Variants in MIR2052HG observed in about 807,000 individuals in gnomAD.
MIR2052HG encodes MIR2052 host gene.
chr8:74,649,602 T>C (rs1346577069), intron 2 of MIR2052HG, among the ~76,000 whole-genome samples: 4 of 152,180 alleles, frequency 2.6e-5, no homozygotes, highest in African/African-American at 9.6e-5. Flanking sequence ...ACTTTAATTT[T>C]ATGCATTTGG....
At chr8:74,736,561 G>A (rs1248649010) in intron 4 of MIR2052HG, among the ~76,000 whole-genome samples, 1 of 152,160 alleles carries the variant, frequency 6.6e-6, no homozygotes, top group Non-Finnish European at 1.5e-5. Flanking sequence ...AGGGAAGGCC[G>A]TGGGAATTGT....
At chr8:74,692,202 T>C (rs1371672722) in intron 2 of MIR2052HG, among the ~76,000 whole-genome samples, 18 of 152,200 alleles carry the variant, frequency 1.2e-4, no homozygotes, top group Non-Finnish European at 2.1e-4. Context: ...ATGATTCTCA[T>C]GCCTCAGCTC....
chr8:74,600,601 A>G (rs950910242), intron 1 of MIR2052HG, among the ~76,000 whole-genome samples: 5 of 149,410 alleles, frequency 3.3e-5, no homozygotes, highest in Non-Finnish European at 5.9e-5. Flanking sequence ...AAAAAAAAAG[A>G]GACGGAGCTC....
intron 2 of MIR2052HG, among the ~76,000 whole-genome samples, chr8:74,660,459 T>C (rs1365838837): frequency 6.6e-6 from 1 of 152,168 alleles, no homozygotes; most frequent in Non-Finnish European, 1.5e-5. Context: ...TGTAAACAGG[T>C]GGAAATTCGG....
At chr8:74,756,013 C>G (rs1428968343) in intron 5 of MIR2052HG, among the ~76,000 whole-genome samples, 2 of 152,148 alleles carry the variant, frequency 1.3e-5, no homozygotes, top group African/African-American at 4.8e-5. Flanking sequence ...CAGACACCAG[C>G]AGCACTGAGG....
chr8:74,650,039 C>T (rs556181520), intron 2 of MIR2052HG, among the ~76,000 whole-genome samples: 103 of 152,062 alleles, frequency 6.8e-4, no homozygotes, highest in African/African-American at 2.3e-3. Context: ...GATTTTAAAG[C>T]ATTTCTTCAG....
intron 2 of MIR2052HG, among the ~76,000 whole-genome samples, chr8:74,696,061 C>T (rs1325508569): frequency 6.6e-6 from 1 of 151,998 alleles, no homozygotes; most frequent in Non-Finnish European, 1.5e-5. Context: ...CAAGATAAAC[C>T]ATATAATAGG....
Position 74,702,265 on chromosome 8 carries a change from C to T in MIR2052HG, n.217-114C>T, listed in dbSNP as rs770988563. ...AAATGCCAGGTCTTCCATGTGAAAG[C>T]GATTTTGATTAAGAAGGGATAAAAG... On this transcript the variant is annotated intron_variant and non_coding_transcript_variant, in intron 2 of 6. Transcript: ENST00000523442. 59 of 197,988 alleles carry T rather than the reference C, an allele frequency of 3.0e-4. 1 individual carries two copies. The highest frequency in any genetic ancestry group is 2.8e-4 in the African/African-American group (12 of 42,562). The allele number at this position is 197,988 out of a possible 1,614,324, so 12.3% of individuals were successfully genotyped here.
At chr8:74,635,735 G>T (rs910145505) in intron 2 of MIR2052HG, among the ~76,000 whole-genome samples, 3 of 152,048 alleles carry the variant, frequency 2.0e-5, no homozygotes, top group Admixed American at 6.6e-5. Context: ...TCCAACCTTT[G>T]GTCAGGAGCA....
chr8:74,661,363 C>G (rs751576571), intron 2 of MIR2052HG, among the ~76,000 whole-genome samples: 4 of 152,024 alleles, frequency 2.6e-5, no homozygotes, highest in Admixed American at 2.0e-4. Flanking sequence ...CTACCAGACT[C>G]AGCTAATTTT....
At chr8:74,688,925 T>C (rs1454173783) in intron 2 of MIR2052HG, among the ~76,000 whole-genome samples, 2 of 152,210 alleles carry the variant, frequency 1.3e-5, no homozygotes, top group Admixed American at 1.3e-4. Flanking sequence ...GGTCTTCCAC[T>C]CTGAGGAACT....
chr8:74,635,309 A>G (rs1809788946), intron 2 of MIR2052HG, among the ~76,000 whole-genome samples: 1 of 152,080 alleles, frequency 6.6e-6, no homozygotes, highest in Admixed American at 6.6e-5. Context: ...ATAAATAAAT[A>G]TAACATGAGA....
chr8:74,658,537 C>T (rs989749698), intron 2 of MIR2052HG, among the ~76,000 whole-genome samples: 1 of 152,024 alleles, frequency 6.6e-6, no homozygotes, highest in East Asian at 1.9e-4. Context: ...ATGTGCCCAC[C>T]ACCACACCCG....
At chr8:74,748,697 G>T (rs905858484) in intron 4 of MIR2052HG, among the ~76,000 whole-genome samples, 1 of 152,126 alleles carries the variant, frequency 6.6e-6, no homozygotes, top group African/African-American at 2.4e-5. Context: ...CCCAGAGAGG[G>T]TTTCCCAGGC....
chr8:74,604,744 C>T (rs951337204), intron 1 of MIR2052HG, among the ~76,000 whole-genome samples: 2 of 151,812 alleles, frequency 1.3e-5, no homozygotes, highest in African/African-American at 4.8e-5. Flanking sequence ...CAGGCATGTG[C>T]CACCATGCCT....
At chr8:74,651,771 A>G (rs1171849539) in intron 2 of MIR2052HG, among the ~76,000 whole-genome samples, 2 of 152,122 alleles carry the variant, frequency 1.3e-5, no homozygotes, top group East Asian at 3.9e-4. Flanking sequence ...AATTAGTTGA[A>G]GTGAAAATAC....
At chr8:74,684,478 A>G (rs1385410265) in intron 2 of MIR2052HG, among the ~76,000 whole-genome samples, 3 of 152,084 alleles carry the variant, frequency 2.0e-5, no homozygotes, top group African/African-American at 7.2e-5. Flanking sequence ...GGAAGAAAAC[A>G]ATATATATGT....
chr8:74,696,522 TAAACA>T (rs1044850481), intron 2 of MIR2052HG, among the ~76,000 whole-genome samples: 9 of 151,790 alleles, frequency 5.9e-5, no homozygotes, highest in Non-Finnish European at 8.8e-5. Context: ...AAAATTAAAT[TAAACA>T]AAAGATGTTT....
intron 4 of MIR2052HG, among the ~76,000 whole-genome samples, chr8:74,716,807 A>G (rs1398662580): frequency 3.9e-5 from 6 of 152,166 alleles, no homozygotes; most frequent in African/African-American, 2.4e-5. Flanking sequence ...GGATATGTGC[A>G]TGCATGCCTT....
Sources: gnomAD v4.1 joint callset for allele counts (sites outside exome capture counted in the v4.1 genomes callset) on GRCh38, gnomAD v4.1.1 for gene constraint, MANE v1.5 for transcripts, NCBI Gene and HGNC (gene_info 2026-07-23, HGNC 2026-07-21) for gene names.